The following NEBL variants were observed in gnomAD, a reference collection of about 807,000 sequenced individuals.
NEBL encodes the protein nebulette.
Under a neutral mutation model 140.2 loss-of-function variants are expected in NEBL, and 122 were observed. The ratio of observed to expected loss-of-function variants is 0.87; its 90% CI spans 0.75 to 1.01. The LOEUF (loss-of-function observed/expected upper bound fraction) is 1.01, where lower values mean the gene tolerates loss of function less well. Among genes scored for constraint, NEBL ranks in the 50% least tolerant of loss-of-function variants. The probability of loss-of-function intolerance (pLI) is 0.00; values close to 1 mark genes in which losing one functional copy is unlikely to be tolerated. For synonymous variants in NEBL, 436 were observed against 398.9 expected, an observed-to-expected ratio of 1.09 and a Z score of -1.11; for missense variants, 1,365 against 1,231.3, an observed-to-expected ratio of 1.11 and a Z score of -1.62.
rs949608468 is a variant in NEBL, at chr10:21,061,484, CAT to C, written c.165-41285_165-41284del. Among the ~76,000 whole-genome samples the C allele has an allele frequency of 4.4e-4, 65 of 147,046 alleles. 1 individual carries two copies. Among genetic ancestry groups the C allele is most frequent in the African/African-American group, 1.5e-3 (62 of 40,450 alleles). ...ATATATGATATATCATATATTACAT[CAT>C]ATATGATATATCATATATTACATTA... On this transcript the variant is annotated intron_variant, in intron 2 of 6. Coordinates refer to the NEBL transcript ENST00000417816.
chr10:20,937,025 G>T (rs2131552459), intron 4 of NEBL, among the ~76,000 whole-genome samples: 1 of 152,252 alleles, frequency 6.6e-6, no homozygotes, highest in African/African-American at 2.4e-5. Context: ...CCACCACTTT[G>T]CTTTCGATGT....
chr10:21,093,758 T>C (rs1253720626), intron 2 of NEBL, among the ~76,000 whole-genome samples: 1 of 152,246 alleles, frequency 6.6e-6, no homozygotes, highest in Non-Finnish European at 1.5e-5. Flanking sequence ...TATTTTATCC[T>C]GAAAAATCTA....
At chr10:20,787,058 G>C in intron 27 of NEBL, 144 bp downstream of exon 27, 1 of 785,050 alleles carries the variant, frequency 1.3e-6, no homozygotes, top group South Asian at 1.5e-5. Flanking sequence ...TCCTTCAAAA[G>C]AGTTGTATAA....
At chr10:21,124,881 G>A (rs971024995) in intron 2 of NEBL, among the ~76,000 whole-genome samples, 1 of 152,192 alleles carries the variant, frequency 6.6e-6, no homozygotes, top group Admixed American at 6.5e-5. Context: ...GGATGTTTGA[G>A]CCCAGAAGTT....
rs533311872 is a variant in NEBL at position 20,842,229 on chromosome 10, G to T, written c.1228-1380C>A. Among the ~76,000 whole-genome samples, 14 of 152,064 alleles carry T rather than the reference G, an allele frequency of 9.2e-5. No individual in the cohort carries two copies. In the South Asian group the frequency reaches 1.7e-3, roughly 18 times the overall value. ...TTGGAATGGACTGTTTTATAATTTT[G>T]GAATGATCTGAGTCAAATGACCCGA... On this transcript the variant is annotated intron_variant, in intron 12 of 27. Coordinates refer to ENST00000377122, the MANE Select transcript of NEBL (RefSeq NM_006393.3).
At chr10:21,141,819 C>G (rs1048763976) in intron 2 of NEBL, among the ~76,000 whole-genome samples, 7 of 152,228 alleles carry the variant, frequency 4.6e-5, no homozygotes, top group African/African-American at 1.7e-4. Context: ...GGATGAAGCT[C>G]TGATGCAAAG....
intron 26 of NEBL, among the ~76,000 whole-genome samples, chr10:20,795,142 T>C (rs1836385044): frequency 6.6e-6 from 1 of 152,160 alleles, no homozygotes; most frequent in South Asian, 2.1e-4. Context: ...TACTATGGCA[T>C]GTTGAGCAGA....
chr10:20,897,296 G>T lies in NEBL; in HGVS notation c.-91C>A, dbSNP rs1420039291. Reference sequence around the variant, plus strand: ...TGCCCTTGAGATGCTGACGTCTCTGGTGCTCTGGCAGAAATGCCCTTGCCC... The same window carrying T: ...TGCCCTTGAGATGCTGACGTCTCTGTTGCTCTGGCAGAAATGCCCTTGCCC... On this transcript the variant is annotated 5_prime_UTR_variant, in exon 1 of 28. Coordinates refer to ENST00000377122, the MANE Select transcript of NEBL (RefSeq NM_006393.3). 3.3e-6 allele frequency: 5 copies of T among 1,510,022 alleles called. No individual in the cohort carries two copies. Among genetic ancestry groups the T allele is most frequent in the Admixed American group, 4.4e-5 (2 of 45,284 alleles). The allele number at this position is 1,510,022 out of a possible 1,614,324, so 93.5% of individuals were successfully genotyped here.
At chr10:21,028,926 C>T in intron 2 of NEBL, 1 of 455,170 alleles carries the variant, frequency 2.2e-6, no homozygotes, top group Non-Finnish European at 3.9e-6. Flanking sequence ...TTTTAAATTC[C>T]ACTAAAAAAT....
intron 3 of NEBL, among the ~76,000 whole-genome samples, chr10:21,202,461 C>CTTTTTTTTTTTTTTTTT (rs35623208): frequency 8.5e-5 from 10 of 117,294 alleles, no homozygotes; most frequent in African/African-American, 2.4e-4. Context: ...TTTTCTTTTT[C>CTTTTTTTTTTTTTTTTT]TTTTTTTTTT....
chr10:21,030,926 T>C (rs1053732100), intron 2 of NEBL: 4 of 246,060 alleles, frequency 1.6e-5, no homozygotes, highest in Non-Finnish European at 1.6e-5. Context: ...AGAGCAGGCC[T>C]GGCTACAAAT....
At position 21,023,460 on chromosome 10, in the gene NEBL, G is replaced by A. The variant is rs765149584; in HGVS notation, c.165-3259C>T. ...TGTAATGCCAGCACTTTGGGAGGAC[G>A]AGGCAGGTGGATCACTTGAGGTCAG... On this transcript the variant is annotated intron_variant, in intron 2 of 6. Coordinates refer to the NEBL transcript ENST00000417816. Among the ~76,000 whole-genome samples the A allele has an allele frequency of 5.3e-5, 8 of 152,188 alleles. No individual in the cohort carries two copies. In the East Asian group the frequency reaches 5.8e-4, roughly 11 times the overall value.
chr10:21,132,364 T>C (rs1321786724), intron 2 of NEBL, among the ~76,000 whole-genome samples: 2 of 152,206 alleles, frequency 1.3e-5, no homozygotes, highest in African/African-American at 4.8e-5. Flanking sequence ...AGATGTGCCA[T>C]ACTTTGTTTA....
chr10:21,194,381 A>C (rs562273977), intron 3 of NEBL, among the ~76,000 whole-genome samples: 1 of 152,316 alleles, frequency 6.6e-6, no homozygotes, highest in East Asian at 1.9e-4. Context: ...CATTGATACC[A>C]AAAGCAAGCC....
At chr10:21,063,180 C>A (rs1835377201) in intron 2 of NEBL, among the ~76,000 whole-genome samples, 1 of 152,172 alleles carries the variant, frequency 6.6e-6, no homozygotes, top group Non-Finnish European at 1.5e-5. Flanking sequence ...AAATGGCCCT[C>A]TTAACCCCAT....
intron 3 of NEBL, among the ~76,000 whole-genome samples, chr10:21,186,152 T>TA (rs945868038): frequency 3.7e-4 from 56 of 152,246 alleles, no homozygotes; most frequent in African/African-American, 1.3e-3. Flanking sequence ...CTTAAAACTT[T>TA]AAAAAATGTG....
chr10:21,056,411 C>T (rs1564495100), intron 2 of NEBL, among the ~76,000 whole-genome samples: 1 of 151,760 alleles, frequency 6.6e-6, no homozygotes, highest in African/African-American at 2.4e-5. Context: ...GCTGGACCTG[C>T]AAAAAAAGAT....
chr10:21,101,299 G>A (rs988605081), intron 2 of NEBL, among the ~76,000 whole-genome samples: 9 of 152,176 alleles, frequency 5.9e-5, no homozygotes, highest in African/African-American at 1.2e-4. Context: ...TCACAGTATC[G>A]ATTCTCAGTT....
At chr10:21,037,061 G>A (rs1312422089) in intron 2 of NEBL, among the ~76,000 whole-genome samples, 1 of 152,124 alleles carries the variant, frequency 6.6e-6, no homozygotes, top group Admixed American at 6.5e-5. Flanking sequence ...ACTTGTAGAA[G>A]CCCACAGTCA....
Sources: gnomAD v4.1 joint callset for allele counts (sites outside exome capture counted in the v4.1 genomes callset) on GRCh38, gnomAD v4.1.1 for gene constraint, MANE v1.5 for transcripts, NCBI Gene and HGNC (gene_info 2026-07-23, HGNC 2026-07-21) for gene names.